ADAMTS9: variants seen among roughly 807,000 people sequenced by gnomAD.
ADAMTS9 encodes the protein ADAM metallopeptidase with thrombospondin type 1 motif 9, also known as A disintegrin and metalloproteinase with thrombospondin motifs 9.
ADAMTS9 carries 107 observed loss-of-function variants against 257.1 expected under a neutral mutation model. The observed-to-expected ratio is 0.42, with a 90% confidence interval of 0.36 to 0.49. ADAMTS9 has a LOEUF of 0.49. ADAMTS9 is among the 20% of genes least tolerant of loss of function. The pLI is 0.03. For synonymous variants in ADAMTS9, 982 were observed against 880.9 expected (o/e 1.11, Z -2.03); for missense variants, 2,353 against 2,469.1 (o/e 0.95, Z 1.00).
chr3:64,572,777 G>A (rs191108108), intron 28 of ADAMTS9, among the ~76,000 whole-genome samples: 1 of 152,234 alleles, frequency 6.6e-6, no homozygotes, highest in East Asian at 1.9e-4. Context: ...GAAGATGCAG[G>A]GGCTTAGAAA....
intron 39 of ADAMTS9, among the ~76,000 whole-genome samples, chr3:64,517,645 C>G (rs1209576198): frequency 6.6e-6 from 1 of 151,494 alleles, no homozygotes; most frequent in African/African-American, 2.4e-5. Context: ...AACCCACTAG[C>G]CTGAAATCCC....
chr3:64,638,878 A>C (rs1700567467), intron 12 of ADAMTS9, among the ~76,000 whole-genome samples: 1 of 151,408 alleles, frequency 6.6e-6, no homozygotes, highest in South Asian at 2.1e-4. Flanking sequence ...TGAAAAAAGA[A>C]AAAAAAAATC....
In ADAMTS9 at chr3:64,539,954, G is replaced by A. The variant is rs75592142; in HGVS notation, c.5522-660C>T. On this transcript the variant is annotated intron_variant, in intron 36 of 39. Coordinates refer to ENST00000498707, the MANE Select transcript of ADAMTS9 (RefSeq NM_182920.2). ...GAGATGAGCTCTGCACATGCAAAGG[G>A]AGGAGTTAACCCGAGAATCCTGCAA... 2.6e-3 allele frequency among the ~76,000 whole-genome samples: 401 copies of A among 152,334 alleles called. 1 individual carries two copies. The highest frequency in any genetic ancestry group is 8.9e-3 in the African/African-American group (369 of 41,578).
At chr3:64,666,929 C>T (rs113255795) in intron 3 of ADAMTS9, among the ~76,000 whole-genome samples, 11,030 of 152,148 alleles carry the variant, frequency 0.072, 1,303 homozygotes, top group African/African-American at 0.25. Context: ...GGAGGAATGC[C>T]TGAGGCTAGG....
chr3:64,655,942 T>C, intron 4 of ADAMTS9, 67 bp from the exon 5 acceptor site: 1 of 1,011,708 alleles, frequency 9.9e-7, no homozygotes, highest in Non-Finnish European at 1.4e-6. Flanking sequence ...AAGTCACGTC[T>C]TACGTTGGGC....
At chr3:64,652,692 C>T (rs914289554) in intron 8 of ADAMTS9, among the ~76,000 whole-genome samples, 5 of 152,122 alleles carry the variant, frequency 3.3e-5, no homozygotes, top group Admixed American at 6.5e-5. Flanking sequence ...CGCTTACGAA[C>T]GATAATAACC....
intron 22 of ADAMTS9, among the ~76,000 whole-genome samples, chr3:64,612,387 T>C (rs997848412): frequency 6.6e-6 from 1 of 152,148 alleles, no homozygotes; most frequent in African/African-American, 2.4e-5. Context: ...GAAGATGAGA[T>C]TAGAAGTATA....
chr3:64,593,426 G>A (rs960469095), intron 28 of ADAMTS9, among the ~76,000 whole-genome samples: 1 of 152,130 alleles, frequency 6.6e-6, no homozygotes, highest in African/African-American at 2.4e-5. Flanking sequence ...GTATTTACAG[G>A]ACCATTTTTC....
intron 29 of ADAMTS9, among the ~76,000 whole-genome samples, chr3:64,564,092 C>T (rs948195062): frequency 1.3e-5 from 2 of 152,152 alleles, no homozygotes; most frequent in Non-Finnish European, 2.9e-5. Flanking sequence ...GTTCAGTACA[C>T]CTTTTAGTTC....
chr3:64,545,309 G>A (rs562404865), intron 32 of ADAMTS9, among the ~76,000 whole-genome samples: 3 of 152,242 alleles, frequency 2.0e-5, no homozygotes, highest in East Asian at 1.9e-4. Context: ...ACATGCACAC[G>A]TATGTTTATT....
chr3:64,614,492 C>T (rs1398592832), intron 21 of ADAMTS9, among the ~76,000 whole-genome samples: 1 of 152,154 alleles, frequency 6.6e-6, no homozygotes, highest in African/African-American at 2.4e-5. Context: ...GGGATAAGAG[C>T]ATGGATGTAG....
rs1224406080 is a variant in ADAMTS9, at chr3:64,687,314, T to C, written c.115+229A>G. On this transcript the variant is annotated intron_variant, in intron 1 of 39. Transcript: ENST00000498707. The surrounding 1 kb of genome is among the most constrained non-coding windows in gnomAD (Gnocchi z 4.4). ...TGCGGCGTGGGAGTGGGGATGGGGA[T>C]ATATCTGGCAACAGCAAGGTAGGGG... Among the ~76,000 whole-genome samples the C allele has an allele frequency of 6.6e-6, 1 of 152,152 alleles. No individual in the cohort carries two copies. The highest frequency in any genetic ancestry group is 2.4e-5 in the African/African-American group (1 of 41,424).
At chr3:64,656,714 C>T (rs1404921865) in intron 4 of ADAMTS9, among the ~76,000 whole-genome samples, 1 of 151,968 alleles carries the variant, frequency 6.6e-6, no homozygotes, top group African/African-American at 2.4e-5. Context: ...CCCTCATGGG[C>T]ATGAGAGGGC....
chr3:64,606,915 C>G, intron 23 of ADAMTS9, 45 bp downstream of exon 23: 1 of 1,609,230 alleles, frequency 6.2e-7, no homozygotes, highest in Non-Finnish European at 8.5e-7. Flanking sequence ...AGTTTGGTAC[C>G]TTGGTCCCCA....
chr3:64,541,070 C>T (rs759912675), intron 36 of ADAMTS9, 25 bp downstream of exon 36: 3 of 1,612,934 alleles, frequency 1.9e-6, no homozygotes, highest in East Asian at 4.5e-5. Context: ...CGCACACGTT[C>T]CCAAAGGACT....
intron 28 of ADAMTS9, among the ~76,000 whole-genome samples, chr3:64,580,003 T>C (rs935978617): frequency 6.6e-6 from 1 of 152,190 alleles, no homozygotes. Flanking sequence ...TGACAGTGCA[T>C]TCTTAGCCAC....
intron 12 of ADAMTS9, among the ~76,000 whole-genome samples, chr3:64,635,033 G>A (rs576148150): frequency 6.6e-6 from 1 of 152,066 alleles, no homozygotes; most frequent in South Asian, 2.1e-4. Context: ...TTTACAATAA[G>A]TGCACATAGT....
chr3:64,658,829 C>T, intron 3 of ADAMTS9, 38 bp from the exon 4 acceptor site: 4 of 1,558,542 alleles, frequency 2.6e-6, no homozygotes, highest in Non-Finnish European at 3.5e-6. Context: ...CATTTCAAGC[C>T]ACATCTATTT....
chr3:64,614,337 T>C (rs544849453), intron 21 of ADAMTS9, among the ~76,000 whole-genome samples: 2 of 152,198 alleles, frequency 1.3e-5, no homozygotes, highest in Non-Finnish European at 2.9e-5. Context: ...ACTAAAGCAC[T>C]AGGTTTGCAG....
Sources: allele counts gnomAD v4.1 joint callset (sites outside exome capture counted in the v4.1 genomes callset), GRCh38; gene constraint gnomAD v4.1.1; non-coding constraint Gnocchi (gnomAD v3.1); transcripts MANE v1.5; gene names NCBI Gene and HGNC (gene_info 2026-07-23, HGNC 2026-07-21).